Variants in PCDHA5 observed in about 807,000 individuals in gnomAD.
The protein encoded by PCDHA5 is protocadherin alpha-5.
In PCDHA5, 43 loss-of-function variants were observed where a neutral mutation model predicts 61.6. That is an observed-to-expected ratio of 0.70 (90% CI 0.55 to 0.90). PCDHA5 has a LOEUF of 0.90. PCDHA5 is among the 40% of genes least tolerant of loss of function. The pLI, the probability that PCDHA5 is intolerant of heterozygous loss-of-function variation, is 0.00. For missense variants in PCDHA5, 1,298 were observed against 1,222.7 expected, an observed-to-expected ratio of 1.06 and a Z score of -0.92; for synonymous variants, 627 against 543.9, an observed-to-expected ratio of 1.15 and a Z score of -2.13.
chr5:140,893,958 T>C (rs1391607597), intron 1 of PCDHA5, among the ~76,000 whole-genome samples: 2 of 152,228 alleles, frequency 1.3e-5, no homozygotes, highest in African/African-American at 4.8e-5. Flanking sequence ...ACTTTATTAG[T>C]CATTAGATAC....
At chr5:140,886,742 C>T (rs2061110620) in intron 1 of PCDHA5, among the ~76,000 whole-genome samples, 1 of 149,008 alleles carries the variant, frequency 6.7e-6, no homozygotes, top group Non-Finnish European at 1.5e-5. Flanking sequence ...AAGAGAATTG[C>T]TTGAACCCGG....
At chr5:140,938,876 A>AAC (rs142461507) in intron 1 of PCDHA5, among the ~76,000 whole-genome samples, 11 of 151,144 alleles carry the variant, frequency 7.3e-5, no homozygotes, top group South Asian at 2.1e-4. Context: ...GTTAAGAAGC[A>AAC]ACACACACAC....
At chr5:140,971,728 C>A (rs1221096186) in intron 1 of PCDHA5, among the ~76,000 whole-genome samples, 2 of 151,550 alleles carry the variant, frequency 1.3e-5, no homozygotes, top group African/African-American at 2.4e-5. Flanking sequence ...GTATATCATA[C>A]ATATACACAT....
Position 140,823,444 on chromosome 5 carries a change from G to C in PCDHA5, c.1669G>C (p.Glu557Gln). ...NVTLQVFVLD[E>Q]NDNAPALLVP... ...GACGCTGCAGGTGTTCGTGCTGGAC[G>C]AGAACGACAACGCGCCGGCGCTGCT... The change falls in exon 1 of 4, where the codon GAG (glutamate) becomes CAG (glutamine). Residue 557 changes from glutamate to glutamine, a missense_variant. Coordinates refer to ENST00000529859, the MANE Select transcript of PCDHA5 (RefSeq NM_018908.3). 1 of 1,613,408 alleles carries C rather than the reference G, an allele frequency of 6.2e-7. No individual in the cohort carries two copies.
At position 140,869,273 on chromosome 5, in the gene PCDHA5, C is replaced by A. The variant is rs782135758; in HGVS notation, c.2352+45146C>A. 1.9e-6 allele frequency: 3 copies of A among 1,613,438 alleles called. No homozygotes were observed. Among genetic ancestry groups the A allele is most frequent in the African/African-American group, 2.7e-5 (2 of 74,920 alleles). On this transcript the variant is annotated intron_variant, in intron 1 of 3. Transcript: ENST00000529859. ...GCGCAGGACCTGGGGCTGGAGCTGG[C>A]GGAGCTGGTGCAGCGCCTGTTCCGG...
At chr5:141,000,238 G>T (rs111531743) in intron 3 of PCDHA5, among the ~76,000 whole-genome samples, 3 of 151,558 alleles carry the variant, frequency 2.0e-5, no homozygotes, top group African/African-American at 7.3e-5. Flanking sequence ...GCTGAATGTG[G>T]TGGCTGACAC....
chr5:140,952,743 C>T lies in PCDHA5; in HGVS notation c.2353-26206C>T, dbSNP rs146786879. Reference sequence around the variant, plus strand: ...TCTGTACTAGTCTTTTCTCACACTGCTATAAAAACACCTGAGACTGGATAA... The same window carrying T: ...TCTGTACTAGTCTTTTCTCACACTGTTATAAAAACACCTGAGACTGGATAA... On this transcript the variant is annotated intron_variant, in intron 1 of 3. Coordinates refer to ENST00000529859, the MANE Select transcript of PCDHA5 (RefSeq NM_018908.3). 8.6e-3 allele frequency among the ~76,000 whole-genome samples: 1,316 copies of T among 152,264 alleles called. 10 individuals are homozygous for T. Among genetic ancestry groups the T allele is most frequent in the Middle Eastern group, 0.014 (4 of 294 alleles).
intron 1 of PCDHA5, among the ~76,000 whole-genome samples, chr5:140,960,097 T>C (rs2095526762): frequency 6.6e-6 from 1 of 152,232 alleles, no homozygotes. Context: ...AAGAAACTTG[T>C]AGTTGTGGGA....
chr5:140,928,852 G>T, intron 1 of PCDHA5: 1 of 1,614,172 alleles, frequency 6.2e-7, no homozygotes, highest in Non-Finnish European at 8.5e-7. Flanking sequence ...CACTCTGGGT[G>T]TGCTGTTGAG....
chr5:140,829,229 G>A (rs1554131821), intron 1 of PCDHA5: 1 of 1,614,122 alleles, frequency 6.2e-7, no homozygotes, highest in East Asian at 2.2e-5. Flanking sequence ...CCTCGATTCA[G>A]GTGCCAACGG....
chr5:140,858,235 A>C, intron 1 of PCDHA5: 2 of 1,596,218 alleles, frequency 1.3e-6, no homozygotes, highest in Non-Finnish European at 1.7e-6. Flanking sequence ...CCGAGGGCGC[A>C]TGTGGGCCGG....
intron 1 of PCDHA5, chr5:140,861,473 T>A: frequency 2.0e-6 from 1 of 491,574 alleles, no homozygotes; most frequent in Non-Finnish European, 4.2e-6. Context: ...ATCTGCAGAA[T>A]GGCATTTTTG....
At chr5:140,926,632 C>T in intron 1 of PCDHA5, 1 of 432,326 alleles carries the variant, frequency 2.3e-6, no homozygotes, top group Admixed American at 4.2e-5. Flanking sequence ...GCGCTGCGCT[C>T]CTCAACACCC....
chr5:140,989,633 A>AGG (rs2097351730), intron 3 of PCDHA5, among the ~76,000 whole-genome samples: 1 of 152,226 alleles, frequency 6.6e-6, no homozygotes. Flanking sequence ...AGTGACAGCA[A>AGG]GGGTCTTTCA....
chr5:140,952,734 C>T (rs143946641), intron 1 of PCDHA5, among the ~76,000 whole-genome samples: 1 of 152,272 alleles, frequency 6.6e-6, no homozygotes, highest in East Asian at 1.9e-4. Flanking sequence ...CTAGTCTTTT[C>T]TCACACTGCT....
At chr5:140,965,703 G>T (rs1280783019) in intron 1 of PCDHA5, among the ~76,000 whole-genome samples, 1 of 152,178 alleles carries the variant, frequency 6.6e-6, no homozygotes, top group Non-Finnish European at 1.5e-5. Flanking sequence ...GAAAAAGCTT[G>T]AGAGAAGAAT....
chr5:140,837,608 A>G (rs1775145322), intron 1 of PCDHA5, among the ~76,000 whole-genome samples: 1 of 151,396 alleles, frequency 6.6e-6, no homozygotes. Flanking sequence ...TATATTTTAT[A>G]ATTTGCCCCT....
intron 1 of PCDHA5, chr5:140,849,838 T>A: frequency 6.3e-7 from 1 of 1,598,422 alleles, no homozygotes; most frequent in Non-Finnish European, 8.6e-7. Flanking sequence ...GTGGCCGACG[T>A]GAACGACAAC....
At chr5:140,975,365 A>G (rs186836387) in intron 1 of PCDHA5, among the ~76,000 whole-genome samples, 5 of 152,370 alleles carry the variant, frequency 3.3e-5, no homozygotes, top group Admixed American at 2.0e-4. Context: ...GCTACATAGC[A>G]TAATGTAATC....
Sources: allele counts gnomAD v4.1 joint callset (sites outside exome capture counted in the v4.1 genomes callset), GRCh38; gene constraint gnomAD v4.1.1; transcripts MANE v1.5; gene names NCBI Gene and HGNC (gene_info 2026-07-23, HGNC 2026-07-21).